Variants in INPP4B observed in about 807,000 individuals in gnomAD.
The protein encoded by INPP4B is inositol polyphosphate-4-phosphatase type II B, also known as inositol polyphosphate 4-phosphatase type II.
Under a neutral mutation model 122.5 loss-of-function variants are expected in INPP4B, and 55 were observed. That is an observed-to-expected ratio of 0.45 (90% CI 0.36 to 0.56). The LOEUF is 0.56. Among genes scored for constraint, INPP4B ranks in the 20% least tolerant of loss-of-function variants. INPP4B has a pLI of 0.00. For missense variants in INPP4B, 1,000 were observed against 1,097.7 expected (o/e 0.91, Z 1.26); for synonymous variants, 403 against 388.7 (o/e 1.04, Z -0.43).
intron 2 of INPP4B, among the ~76,000 whole-genome samples, chr4:142,597,404 T>G (rs1321543656): frequency 6.6e-6 from 1 of 152,206 alleles, no homozygotes; most frequent in Non-Finnish European, 1.5e-5. Context: ...AAATTGTCTA[T>G]GCTTTTCAGA....
At chr4:142,721,558 C>T (rs1764681787) in intron 2 of INPP4B, among the ~76,000 whole-genome samples, 2 of 152,214 alleles carry the variant, frequency 1.3e-5, no homozygotes, top group Non-Finnish European at 1.5e-5. Flanking sequence ...CGCTGTGGCT[C>T]ACGCCTGTAA....
intron 2 of INPP4B, among the ~76,000 whole-genome samples, chr4:142,712,850 A>G (rs1763282438): frequency 6.6e-6 from 1 of 152,124 alleles, no homozygotes; most frequent in African/African-American, 2.4e-5. Context: ...AATTACAATA[A>G]CTCTCTTAGG....
intron 2 of INPP4B, among the ~76,000 whole-genome samples, chr4:142,538,379 T>G (rs574672759): frequency 1.3e-5 from 2 of 152,210 alleles, no homozygotes; most frequent in African/African-American, 2.4e-5. Flanking sequence ...ATATTGTAAC[T>G]ATGATATAGT....
intron 2 of INPP4B, among the ~76,000 whole-genome samples, chr4:142,662,178 T>G (rs1439021498): frequency 3.3e-5 from 5 of 151,098 alleles, no homozygotes; most frequent in Non-Finnish European, 7.4e-5. Context: ...GAGCTTGTAG[T>G]GAGCCAAGAC....
intron 1 of INPP4B, among the ~76,000 whole-genome samples, chr4:142,819,105 G>A (rs972254754): frequency 4.6e-5 from 7 of 152,262 alleles, no homozygotes; most frequent in Non-Finnish European, 8.8e-5. Context: ...AGAGAAGCCC[G>A]AACACTTGTA....
chr4:142,609,915 C>T (rs1260902645), intron 2 of INPP4B, among the ~76,000 whole-genome samples: 2 of 152,128 alleles, frequency 1.3e-5, no homozygotes, highest in Non-Finnish European at 2.9e-5. Context: ...TCTAACATAG[C>T]ACTTTCTAGA....
intron 22 of INPP4B, among the ~76,000 whole-genome samples, chr4:142,112,320 A>G (rs1302586422): frequency 6.6e-6 from 1 of 152,220 alleles, no homozygotes; most frequent in Non-Finnish European, 1.5e-5. Context: ...TATTGGCATC[A>G]AGATTTTCCT....
intron 2 of INPP4B, among the ~76,000 whole-genome samples, chr4:142,568,689 C>T (rs1467989804): frequency 6.6e-6 from 1 of 151,998 alleles, no homozygotes; most frequent in Non-Finnish European, 1.5e-5. Context: ...ATTAATAATC[C>T]TGTTAGATAA....
intron 2 of INPP4B, among the ~76,000 whole-genome samples, chr4:142,691,794 CTCT>C (rs1760222467): frequency 6.6e-6 from 1 of 152,042 alleles, no homozygotes; most frequent in Non-Finnish European, 1.5e-5. Context: ...GCTATAAAAA[CTCT>C]GCATCAAAAA....
rs1455856144 is a variant in INPP4B, at chr4:142,574,864, G to T, written c.-190-112138C>A. Among the ~76,000 whole-genome samples, 3 of 152,068 alleles carry T rather than the reference G, an allele frequency of 2.0e-5. No homozygotes were observed. In the East Asian group the frequency reaches 5.8e-4, roughly 29 times the overall value. ...AAAGGGAAGGCAGGTAACACTCGTT[G>T]TGACCCACTATGAATGAAGCTTCAC... On this transcript the variant is annotated intron_variant, in intron 2 of 25. Transcript: ENST00000262992.
chr4:142,622,142 T>C (rs1745076389), intron 2 of INPP4B, among the ~76,000 whole-genome samples: 1 of 152,004 alleles, frequency 6.6e-6, no homozygotes, highest in Non-Finnish European at 1.5e-5. Flanking sequence ...ACTGCAGCTT[T>C]GCAATTTTAT....
Position 142,530,550 on chromosome 4 carries a change from C to CATATATATATATAT in INPP4B, c.-190-67838_-190-67825dup, listed in dbSNP as rs35595178. On this transcript the variant is annotated intron_variant, in intron 2 of 25. Coordinates refer to ENST00000262992, the MANE Select transcript of INPP4B (RefSeq NM_001101669.3). Reference sequence around the variant, plus strand: ...AGTGATATACATATATATGTGTGTGCATATATATATATATATATATATATA... The same window carrying CATATATATATATAT: ...AGTGATATACATATATATGTGTGTGCATATATATATATATATATATATATATATATATATATATA... Among the ~76,000 whole-genome samples the CATATATATATATAT allele has an allele frequency of 1.9e-3, 262 of 140,412 alleles. 2 individuals are homozygous for CATATATATATATAT. The highest frequency in any genetic ancestry group is 6.5e-3 in the African/African-American group (243 of 37,258). The allele number at this position is 140,412 out of a possible 152,430, so 92.1% of individuals were successfully genotyped here. A position where few individuals can be genotyped will look rare whatever the true frequency, so the allele number is the denominator to read the frequency against.
At chr4:142,650,723 A>G (rs1392767250) in intron 2 of INPP4B, among the ~76,000 whole-genome samples, 1 of 151,928 alleles carries the variant, frequency 6.6e-6, no homozygotes, top group Admixed American at 6.6e-5. Context: ...TCATAAAGCA[A>G]GTCCTTAGAG....
At chr4:142,700,672 AT>A (rs555926708) in intron 2 of INPP4B, among the ~76,000 whole-genome samples, 1,581 of 68,112 alleles carry the variant, frequency 0.023, 23 homozygotes, top group African/African-American at 0.056. Context: ...TTTGCATGAA[AT>A]TTTTTTTTTA....
At chr4:142,143,385 T>C (rs1249043580) in intron 18 of INPP4B, among the ~76,000 whole-genome samples, 1 of 151,956 alleles carries the variant, frequency 6.6e-6, no homozygotes, top group Non-Finnish European at 1.5e-5. Context: ...AATCACAGTG[T>C]GATTCTCCCT....
At position 142,122,144 on chromosome 4, in the gene INPP4B, C is replaced by T. The variant is rs2152749312; in HGVS notation, c.2119G>A (p.Val707Ile). Residue 707 changes from valine to isoleucine, a missense_variant, in exon 21 of 26, where the codon GTT becomes ATT. Coordinates refer to ENST00000262992, the MANE Select transcript of INPP4B (RefSeq NM_001101669.3). ...ACTGCTTACCGTCTTCCTGTTATAA[C>T]TGGCAACACATCATTGGATTTGGCT... is the stretch of plus-strand genomic sequence containing the variant. ...IEAKSNDVLPVITGRREHYVV... is the reference protein window; with the variant it reads ...IEAKSNDVLPIITGRREHYVV... 6.2e-7 allele frequency: 1 copy of T among 1,609,046 alleles called. No individual in the cohort carries two copies. Among genetic ancestry groups the T allele is most frequent in the Middle Eastern group, 1.7e-4 (1 of 6,038 alleles).
At chr4:142,087,238 T>C (rs1400810752) in intron 23 of INPP4B, among the ~76,000 whole-genome samples, 1 of 151,996 alleles carries the variant, frequency 6.6e-6, no homozygotes, top group Non-Finnish European at 1.5e-5. Flanking sequence ...ACCAGCACTA[T>C]AAAGAAGCAC....
chr4:142,283,607 T>C (rs1254991660), intron 9 of INPP4B, among the ~76,000 whole-genome samples: 1 of 152,150 alleles, frequency 6.6e-6, no homozygotes, highest in Non-Finnish European at 1.5e-5. Context: ...CACGTTACTG[T>C]ACTGAATACT....
At chr4:142,133,916 T>C (rs1391666850) in intron 18 of INPP4B, among the ~76,000 whole-genome samples, 1 of 152,196 alleles carries the variant, frequency 6.6e-6, no homozygotes, top group Non-Finnish European at 1.5e-5. Flanking sequence ...CTGCAATCTC[T>C]ACCCTACAAC....
Sources: allele counts gnomAD v4.1 joint callset (sites outside exome capture counted in the v4.1 genomes callset), GRCh38; gene constraint gnomAD v4.1.1; transcripts MANE v1.5; gene names NCBI Gene and HGNC (gene_info 2026-07-23, HGNC 2026-07-21).